Variants in KCNH6 observed in about 807,000 individuals in gnomAD.
KCNH6 encodes the protein potassium voltage-gated channel subfamily H member 6.
KCNH6 carries 81 observed loss-of-function variants against 83.4 expected under a neutral mutation model. The ratio of observed to expected loss-of-function variants is 0.97; its 90% CI spans 0.81 to 1.17. The LOEUF (loss-of-function observed/expected upper bound fraction) is 1.17. KCNH6 is among the 50% of genes most tolerant of loss of function. The pLI is 0.00. For synonymous variants in KCNH6, 503 were observed against 545.6 expected, an observed-to-expected ratio of 0.92 and a Z score of 1.09; for missense variants, 1,203 against 1,290.5, an observed-to-expected ratio of 0.93 and a Z score of 1.04.
At position 63,523,548 on chromosome 17, in the gene KCNH6, G is replaced by A; in HGVS notation, c.76+59G>A. 8 of 1,493,722 alleles carry A rather than the reference G, an allele frequency of 5.4e-6. No homozygotes were observed. Among genetic ancestry groups the A allele is most frequent in the Non-Finnish European group, 7.3e-6 (8 of 1,091,020 alleles). 92.5% of individuals were successfully genotyped at this position (1,493,722 alleles called of 1,614,324 possible). ...CTGGAGTCCTGGTTCCGTGAAAGGG[G>A]GGGCTGGACCCCTTTACTAACTTCT... On this transcript the variant is annotated intron_variant, in intron 1 of 12. Coordinates refer to ENST00000314672, the MANE Select transcript of KCNH6 (RefSeq NM_001278919.2). This position sits in a 1 kb window ranked among gnomAD's most constrained non-coding sequence, Gnocchi z 4.2.
In KCNH6 at chr17:63,530,558, G is replaced by A. The variant is rs1024815889; in HGVS notation, c.675+16G>A. 1.2e-6 allele frequency: 2 copies of A among 1,612,490 alleles called. No homozygotes were observed. The highest frequency in any genetic ancestry group is 3.3e-5 in the Admixed American group (2 of 60,028). On this transcript the variant is annotated intron_variant, in intron 4 of 12. Coordinates refer to ENST00000314672, the MANE Select transcript of KCNH6 (RefSeq NM_001278919.2). ...GGTCACCCAGGTGCGGGCCTGCAGAGCAGGGTGTGCAGAGCTGTGCCAGGC... is the reference window on the plus strand; with the variant it reads ...GGTCACCCAGGTGCGGGCCTGCAGAACAGGGTGTGCAGAGCTGTGCCAGGC...
chr17:63,535,983 C>T lies in KCNH6; in HGVS notation c.1416C>T (p.Ser472=). The T allele has an allele frequency of 6.2e-7, 1 of 1,613,894 alleles. No individual in the cohort carries two copies. Among genetic ancestry groups the T allele is most frequent in the Non-Finnish European group, 8.5e-7 (1 of 1,180,044 alleles). ...TCACAGCCCTCTACTTCACCTTCAG[C>T]AGCCTCACCAGCGTGGGCTTCGGCA... ...KYVTALYFTF[S]SLTSVGFGNV... The change falls in exon 6 of 13, where the codon AGC becomes AGT. Residue 472 remains serine (S), a synonymous_variant. Transcript: ENST00000314672. This position sits in a 1 kb window ranked among gnomAD's most constrained non-coding sequence, Gnocchi z 4.9.
intron 9 of KCNH6, 41 bp from the exon 10 acceptor site, chr17:63,543,535 A>G (rs773817370): frequency 7.7e-7 from 1 of 1,297,878 alleles, no homozygotes; most frequent in South Asian, 1.2e-5. Context: ...GCCCCATCCC[A>G]GCTTTGGTTC....
At position 63,545,105 on chromosome 17, in the gene KCNH6, C is replaced by T. The variant is rs776325231; in HGVS notation, c.2424C>T (p.Leu808=). The stretch of plus-strand genomic sequence containing the variant: ...TGGAGTCCCGCGTGTCCTCAGACCT[C>T]AGCCGCATCTTGCAGCTCCTCCAGA... ...NRLESRVSSD[L]SRILQLLQKP... The change falls in exon 12 of 13, where the codon CTC becomes CTT. Residue 808 remains leucine (L), a synonymous_variant. Transcript: ENST00000314672. 3.1e-6 allele frequency: 5 copies of T among 1,613,614 alleles called. No individual in the cohort carries two copies. In the East Asian group the frequency reaches 8.9e-5, roughly 29 times the overall value.
Position 63,535,921 on chromosome 17 carries a change from G to GACCC in KCNH6, c.1356_1359dup (p.Ala454ProfsTer112), listed in dbSNP as rs773755891. 5.0e-6 allele frequency: 8 copies of GACCC among 1,613,856 alleles called. No homozygotes were observed. Among genetic ancestry groups the GACCC allele is most frequent in the Non-Finnish European group, 6.8e-6 (8 of 1,180,048 alleles). On this transcript the variant is annotated frameshift_variant, in exon 6 of 13. Coordinates refer to ENST00000314672, the MANE Select transcript of KCNH6 (RefSeq NM_001278919.2). LOFTEE classifies it high-confidence loss of function. The surrounding 1 kb of genome is among the most constrained non-coding windows in gnomAD (Gnocchi z 4.9). ...GCTTGGCAAGCGCTACAACGGCAGCGACCCAGCCTCGGGCCCCTCGGTGCA... is the reference window on the plus strand; with the variant it reads ...GCTTGGCAAGCGCTACAACGGCAGCGACCCACCCAGCCTCGGGCCCCTCGGTGCA...
rs372365847 is a variant in KCNH6 at position 63,524,297 on chromosome 17, G to A, written c.235G>A (p.Val79Met). The A allele has an allele frequency of 2.5e-5, 41 of 1,613,832 alleles. No homozygotes were observed. Among genetic ancestry groups the A allele is most frequent in the Middle Eastern group, 1.6e-4 (1 of 6,084 alleles). The change falls in exon 2 of 13, where the codon GTG (valine) becomes ATG (methionine). Residue 79 changes from valine (V) to methionine (M), a missense_variant. Val to Met is a conservative substitution (Grantham distance 21). Coordinates refer to ENST00000314672, the MANE Select transcript of KCNH6 (RefSeq NM_001278919.2). ...LTGPNTPSSA[V>M]SRLAQALLGA... ...AGGCCCCAACACACCAAGCAGCGCC[G>A]TGTCCCGCCTAGCGCAGGCCCTGCT...
rs1211653981 is a variant in KCNH6 at position 63,538,131 on chromosome 17, C to CA, written c.1568_1569insA (p.Arg524AlafsTer41). ...ATCCAGCGCCTGTACTCGGGCACCGCGCGCTACCACACGCAGATGCTGCGT... is the reference window on the plus strand; with the variant it reads ...ATCCAGCGCCTGTACTCGGGCACCGCAGCGCTACCACACGCAGATGCTGCGT... On this transcript the variant is annotated frameshift_variant, in exon 7 of 13. Coordinates refer to ENST00000314672, the MANE Select transcript of KCNH6 (RefSeq NM_001278919.2). LOFTEE classifies it high-confidence loss of function. This position sits in a 1 kb window ranked among gnomAD's most constrained non-coding sequence, Gnocchi z 4.0. The CA allele has an allele frequency of 6.2e-7, 1 of 1,614,034 alleles. No homozygotes were observed. Among genetic ancestry groups the CA allele is most frequent in the Non-Finnish European group, 8.5e-7 (1 of 1,180,044 alleles).
chr17:63,545,155 G>A lies in KCNH6; in HGVS notation c.2474G>A (p.Ser825Asn). The A allele has an allele frequency of 3.1e-6, 5 of 1,613,784 alleles. No individual in the cohort carries two copies. The highest frequency in any genetic ancestry group is 4.2e-6 in the Non-Finnish European group (5 of 1,180,026). The change falls in exon 12 of 13, where the codon AGC becomes AAC. Residue 825 changes from serine (S) to asparagine (N), a missense_variant. Coordinates refer to ENST00000314672, the MANE Select transcript of KCNH6 (RefSeq NM_001278919.2). ...AAGCCCATGCCCCAGGGCCACGCCAGCTACATTCTGGAAGCCCCTGCCTCC... is the reference window on the plus strand; with the variant it reads ...AAGCCCATGCCCCAGGGCCACGCCAACTACATTCTGGAAGCCCCTGCCTCC... ...LQKPMPQGHA[S>N]YILEAPASND...
rs747102974 is a variant in KCNH6, at chr17:63,538,705, T to G, written c.1954+43T>G. 1 of 1,525,494 alleles carries G rather than the reference T, an allele frequency of 6.6e-7. No homozygotes were observed. The highest frequency in any genetic ancestry group is 8.8e-7 in the Non-Finnish European group (1 of 1,133,348). The allele number at this position is 1,525,494 out of a possible 1,614,324, so 94.5% of individuals were successfully genotyped here. On this transcript the variant is annotated intron_variant, in intron 8 of 12. Coordinates refer to ENST00000314672, the MANE Select transcript of KCNH6 (RefSeq NM_001278919.2). This position sits in a 1 kb window ranked among gnomAD's most constrained non-coding sequence, Gnocchi z 4.0. ...GACCAGGCCTGTGTTGGGGATTGGA[T>G]GGAAGAGGGCGGGATTGGAGATGCC...
Position 63,533,718 on chromosome 17 carries a change from T to G in KCNH6, c.676-168T>G, listed in dbSNP as rs1388604808. Among the ~76,000 whole-genome samples, 2 of 152,044 alleles carry G rather than the reference T, an allele frequency of 1.3e-5. No individual in the cohort carries two copies. Among genetic ancestry groups the G allele is most frequent in the African/African-American group, 4.8e-5 (2 of 41,394 alleles). On this transcript the variant is annotated intron_variant, in intron 4 of 12. Transcript: ENST00000314672. The surrounding 1 kb of genome is among the most constrained non-coding windows in gnomAD (Gnocchi z 4.1). ...TCGAGGCATCTGTCCCCTTAGGAAC[T>G]TGCCTTCTCAGACACCCCCCACCCC...
At position 63,545,769 on chromosome 17, in the gene KCNH6, C is replaced by T. The variant is rs2033116807; in HGVS notation, c.2744C>T (p.Pro915Leu). ...CCACCCCTAGCCTCACCTCTACATC[C>T]CCTGGAAGTACAAGGACTCATCTGT... ...LWPPLASPLH[P>L]LEVQGLICGP... is the part of the protein sequence containing the mutation. The change falls in exon 13 of 13, where the codon CCC becomes CTC. Residue 915 changes from proline to leucine, a missense_variant. Coordinates refer to ENST00000314672, the MANE Select transcript of KCNH6 (RefSeq NM_001278919.2). The T allele has an allele frequency of 1.2e-6, 2 of 1,614,160 alleles. No homozygotes were observed. Among genetic ancestry groups the T allele is most frequent in the African/African-American group, 2.7e-5 (2 of 75,050 alleles).
intron 6 of KCNH6, 111 bp downstream of exon 6, chr17:63,536,179 A>G: frequency 2.1e-6 from 2 of 968,554 alleles, no homozygotes; most frequent in East Asian, 4.8e-5. Context: ...CAATTCATGC[A>G]GTACACTGAT....
At position 63,535,710 on chromosome 17, in the gene KCNH6, G is replaced by A. The variant is rs2032437958; in HGVS notation, c.1143G>A (p.Leu381=). The change falls in exon 6 of 13, where the codon CTG becomes CTA. Residue 381 remains leucine (L), a synonymous_variant. Transcript: ENST00000314672. This position sits in a 1 kb window ranked among gnomAD's most constrained non-coding sequence, Gnocchi z 4.9. ...GGCTATTGAAGACAGCGCGGCTGCT[G>A]CGGCTGGTGCGCGTAGCACGGAAGC... ...LIGLLKTARL[L]RLVRVARKLD... 11 of 1,612,392 alleles carry A rather than the reference G, an allele frequency of 6.8e-6. No individual in the cohort carries two copies. The highest frequency in any genetic ancestry group is 1.3e-5 in the African/African-American group (1 of 74,624).
intron 2 of KCNH6, among the ~76,000 whole-genome samples, chr17:63,528,401 A>G (rs1300103393): frequency 1.3e-5 from 2 of 152,040 alleles, no homozygotes; most frequent in Admixed American, 1.3e-4. Context: ...GAGTCCAGAA[A>G]TCCAATACGA....
intron 9 of KCNH6, 65 bp from the exon 10 acceptor site, chr17:63,543,511 G>C (rs1363812682): frequency 1.0e-6 from 1 of 990,776 alleles, no homozygotes; most frequent in Non-Finnish European, 1.6e-6. Context: ...GTCAGGGCAG[G>C]GAAGAACAAA....
Position 63,538,686 on chromosome 17 carries a change from GC to G in KCNH6, c.1954+26del. The G allele has an allele frequency of 6.5e-7, 1 of 1,549,064 alleles. No homozygotes were observed. On this transcript the variant is annotated intron_variant, in intron 8 of 12. Transcript: ENST00000314672. This position sits in a 1 kb window ranked among gnomAD's most constrained non-coding sequence, Gnocchi z 4.0. ...AGGTGGGTCCGGCGGAGTGGACCAG[GC>G]CTGTGTTGGGGATTGGATGGAAGAG...
rs2032234133 is a variant in KCNH6, at chr17:63,533,144, A to T, written c.676-742A>T. On this transcript the variant is annotated intron_variant, in intron 4 of 12. Coordinates refer to ENST00000314672, the MANE Select transcript of KCNH6 (RefSeq NM_001278919.2). The surrounding 1 kb of genome is among the most constrained non-coding windows in gnomAD (Gnocchi z 4.1). ...TCATGTTGGGCAGCTGGGCAGAGCCAGGGCATGTTGTGCTGGGACCTAGAG... is the reference window on the plus strand; with the variant it reads ...TCATGTTGGGCAGCTGGGCAGAGCCTGGGCATGTTGTGCTGGGACCTAGAG... 6.9e-6 allele frequency among the ~76,000 whole-genome samples: 1 copy of T among 145,654 alleles called. No homozygotes were observed. Among genetic ancestry groups the T allele is most frequent in the South Asian group, 2.3e-4 (1 of 4,300 alleles).
chr17:63,524,642 G>T (rs1205701249), intron 2 of KCNH6, among the ~76,000 whole-genome samples: 1 of 152,200 alleles, frequency 6.6e-6, no homozygotes, highest in African/African-American at 2.4e-5. Flanking sequence ...CTGGTCTCCT[G>T]GCTCTCCACT....
Position 63,535,963 on chromosome 17 carries a change from G to A in KCNH6, c.1396G>A (p.Ala466Thr). The A allele has an allele frequency of 6.2e-7, 1 of 1,613,876 alleles. No homozygotes were observed. Among genetic ancestry groups the A allele is most frequent in the Non-Finnish European group, 8.5e-7 (1 of 1,180,044 alleles). The stretch of plus-strand genomic sequence containing the variant: ...CTCGGTGCAGGACAAGTATGTCACA[G>A]CCCTCTACTTCACCTTCAGCAGCCT... ...GPSVQDKYVT[A>T]LYFTFSSLTS... The change falls in exon 6 of 13, where the codon GCC (alanine) becomes ACC (threonine). Residue 466 changes from alanine (A) to threonine (T), a missense_variant. Coordinates refer to ENST00000314672, the MANE Select transcript of KCNH6 (RefSeq NM_001278919.2). This position sits in a 1 kb window ranked among gnomAD's most constrained non-coding sequence, Gnocchi z 4.9.
Sources: allele counts gnomAD v4.1 joint callset (sites outside exome capture counted in the v4.1 genomes callset), GRCh38; gene constraint gnomAD v4.1.1; non-coding constraint Gnocchi (gnomAD v3.1); transcripts MANE v1.5; gene names NCBI Gene and HGNC (gene_info 2026-07-23, HGNC 2026-07-21).